TNFAIP8L3: variants seen among roughly 807,000 people sequenced by gnomAD.
The protein encoded by TNFAIP8L3 is tumor necrosis factor alpha-induced protein 8-like protein 3.
TNFAIP8L3 carries 7 observed loss-of-function variants against 11.8 expected under a neutral mutation model. The observed-to-expected ratio is 0.59, with a 90% CI of 0.34 to 1.11. The LOEUF is 1.11. TNFAIP8L3 is among the 50% of genes most tolerant of loss of function. The probability of loss-of-function intolerance (pLI) is 0.03; values close to 1 mark genes in which losing one functional copy is unlikely to be tolerated. For missense variants in TNFAIP8L3, 219 were observed against 258.6 expected, an observed-to-expected ratio of 0.85 and a Z score of 1.05; for synonymous variants, 98 against 103.8, an observed-to-expected ratio of 0.94 and a Z score of 0.34.
chr15:51,099,474 G>C (rs778819785), upstream of TNFAIP8L3, among the ~76,000 whole-genome samples: 34 of 152,122 alleles, frequency 2.2e-4, no homozygotes, highest in Non-Finnish European at 4.0e-4. Context: ...GAGAGAGAGA[G>C]AAGAAAACTC....
At chr15:51,091,719 T>G (rs1453022374) in intron 1 of TNFAIP8L3, among the ~76,000 whole-genome samples, 1 of 126,658 alleles carries the variant, frequency 7.9e-6, no homozygotes. Context: ...CACACACACG[T>G]GCACACACCA....
upstream of TNFAIP8L3, among the ~76,000 whole-genome samples, chr15:51,096,914 A>G (rs1215736142): frequency 6.8e-6 from 1 of 147,688 alleles, no homozygotes; most frequent in Non-Finnish European, 1.5e-5. Flanking sequence ...AAAAAAAAAG[A>G]AAGAAAGAAA....
chr15:51,086,123 GA>G (rs1010433910), intron 1 of TNFAIP8L3, among the ~76,000 whole-genome samples: 1 of 145,612 alleles, frequency 6.9e-6, no homozygotes, highest in Non-Finnish European at 1.5e-5. Context: ...ATGCTGGGGT[GA>G]AAAAAAGGGC....
At position 51,094,673 on chromosome 15, in the gene TNFAIP8L3, C is replaced by A. The variant is rs1297295215; in HGVS notation, c.-78G>T. ...TCGGGCAGCCGCGGCGCACTCAGGG[C>A]GGACAGCGGGGCGGCTGGAGCCCGG... On this transcript the variant is annotated 5_prime_UTR_variant, in exon 1 of 2. Coordinates refer to ENST00000637513, the MANE Select transcript of TNFAIP8L3 (RefSeq NM_001311175.2). The surrounding 1 kb of genome is among the most constrained non-coding windows in gnomAD (Gnocchi z 4.4). 2 of 1,234,960 alleles carry A rather than the reference C, an allele frequency of 1.6e-6. No homozygotes were observed. Among genetic ancestry groups the A allele is most frequent in the Admixed American group, 4.4e-5 (1 of 22,950 alleles). 76.5% of individuals were successfully genotyped at this position (1,234,960 alleles called of 1,614,324 possible).
At chr15:51,084,332 C>T (rs1228116773) in intron 1 of TNFAIP8L3, among the ~76,000 whole-genome samples, 2 of 152,218 alleles carry the variant, frequency 1.3e-5, no homozygotes, top group Non-Finnish European at 2.9e-5. Flanking sequence ...CTTTCCTTAA[C>T]ATCTGAATAA....
rs150789108 is a variant in TNFAIP8L3 at position 51,073,454 on chromosome 15, G to T, written c.53-15011C>A. Among the ~76,000 whole-genome samples the T allele has an allele frequency of 7.0e-4, 106 of 152,202 alleles. 1 individual carries two copies. The highest frequency in any genetic ancestry group is 4.1e-3 in the Admixed American group (62 of 15,292). On this transcript the variant is annotated intron_variant, in intron 1 of 1. Transcript: ENST00000637513. The stretch of plus-strand genomic sequence containing the variant: ...TAGATTTACTTCTAGCTACCTTACA[G>T]TTTTGGTTGCTGCTGTTAATTTTTT...
At chr15:51,074,900 C>A (rs932641556) in intron 1 of TNFAIP8L3, among the ~76,000 whole-genome samples, 2 of 152,192 alleles carry the variant, frequency 1.3e-5, no homozygotes, top group Non-Finnish European at 2.9e-5. Context: ...CTGGCCCTCA[C>A]ACCTAGCTCA....
intron 1 of TNFAIP8L3, among the ~76,000 whole-genome samples, chr15:51,085,374 G>A (rs537494655): frequency 1.3e-5 from 2 of 152,280 alleles, no homozygotes; most frequent in African/African-American, 2.4e-5. Flanking sequence ...AATCTTCTGA[G>A]GGCTTTGTGG....
intron 1 of TNFAIP8L3, among the ~76,000 whole-genome samples, chr15:51,085,901 A>G (rs912046540): frequency 6.6e-6 from 1 of 152,190 alleles, no homozygotes; most frequent in African/African-American, 2.4e-5. Context: ...CTGTTTTCAC[A>G]TATTCTACCA....
chr15:51,070,179 G>A (rs544666081), intron 1 of TNFAIP8L3, among the ~76,000 whole-genome samples: 27 of 152,358 alleles, frequency 1.8e-4, no homozygotes, highest in African/African-American at 6.3e-4. Context: ...AGAGCTCACT[G>A]AAGCAGATAC....
At chr15:51,064,227 C>A (rs2065256513) in intron 1 of TNFAIP8L3, among the ~76,000 whole-genome samples, 1 of 152,144 alleles carries the variant, frequency 6.6e-6, no homozygotes, top group Non-Finnish European at 1.5e-5. Context: ...GAATGTAGGA[C>A]CCATGATTTA....
chr15:51,080,782 G>T (rs1567292602), intron 1 of TNFAIP8L3, among the ~76,000 whole-genome samples: 1 of 152,264 alleles, frequency 6.6e-6, no homozygotes, highest in African/African-American at 2.4e-5. Flanking sequence ...GCCAGATTTG[G>T]CCTGGGGGCC....
chr15:51,105,034 G>T, exon 1 of TNFAIP8L3: 1 of 1,614,166 alleles, frequency 6.2e-7, no homozygotes, highest in Non-Finnish European at 8.5e-7. Context: ...AAGATGAAAA[G>T]ATAAGGGGAT....
intron 1 of TNFAIP8L3, among the ~76,000 whole-genome samples, chr15:51,061,451 T>C (rs2065241906): frequency 6.6e-6 from 1 of 152,278 alleles, no homozygotes; most frequent in African/African-American, 2.4e-5. Context: ...TGTTAAATCA[T>C]TCTTTTAAAT....
chr15:51,063,474 G>A (rs1207622066), intron 1 of TNFAIP8L3, among the ~76,000 whole-genome samples: 1 of 152,210 alleles, frequency 6.6e-6, no homozygotes, highest in Non-Finnish European at 1.5e-5. Flanking sequence ...CAACTTAAGA[G>A]TGGAGGAAGA....
chr15:51,059,394 C>A (rs1168800313), intron 1 of TNFAIP8L3, among the ~76,000 whole-genome samples: 1 of 152,124 alleles, frequency 6.6e-6, no homozygotes, highest in Admixed American at 6.5e-5. Context: ...AGAAATGGTT[C>A]ATAATTTATA....
chr15:51,096,220 G>T (rs2065512724), upstream of TNFAIP8L3, among the ~76,000 whole-genome samples: 1 of 152,170 alleles, frequency 6.6e-6, no homozygotes, highest in African/African-American at 2.4e-5. Context: ...TGGTCTACCT[G>T]AAGGCTGCCG....
intron 1 of TNFAIP8L3, among the ~76,000 whole-genome samples, chr15:51,101,673 G>A (rs1194538861): frequency 1.1e-4 from 16 of 150,976 alleles, no homozygotes; most frequent in Non-Finnish European, 1.9e-4. Flanking sequence ...TAGGCTGGGC[G>A]CCGTGGCTGA....
At chr15:51,104,573 G>C (rs979560540) in intron 1 of TNFAIP8L3, among the ~76,000 whole-genome samples, 4 of 152,108 alleles carry the variant, frequency 2.6e-5, no homozygotes, top group African/African-American at 9.7e-5. Flanking sequence ...CTGCAGCCTC[G>C]TCCCTGATGA....
Sources: allele counts gnomAD v4.1 joint callset (sites outside exome capture counted in the v4.1 genomes callset), GRCh38; gene constraint gnomAD v4.1.1; non-coding constraint Gnocchi (gnomAD v3.1); transcripts MANE v1.5; gene names NCBI Gene and HGNC (gene_info 2026-07-23, HGNC 2026-07-21).